AMBRA1: variants seen among roughly 807,000 people sequenced by gnomAD.
AMBRA1 encodes autophagy and beclin 1 regulator 1.
In AMBRA1, 47 loss-of-function variants were observed where a neutral mutation model predicts 125.4. The observed-to-expected ratio is 0.37, with a 90% CI of 0.30 to 0.48. The LOEUF (loss-of-function observed/expected upper bound fraction) is 0.48, where lower values mean the gene tolerates loss of function less well. Among genes scored for constraint, AMBRA1 ranks in the 20% least tolerant of loss-of-function variants. AMBRA1 has a pLI of 0.99. For synonymous variants in AMBRA1, 626 were observed against 655.5 expected (o/e 0.95, Z 0.69); for missense variants, 1,331 against 1,693.4 (o/e 0.79, Z 3.76).
chr11:46,558,904 G>A (rs945419401), intron 1 of AMBRA1, among the ~76,000 whole-genome samples: 20 of 152,112 alleles, frequency 1.3e-4, no homozygotes, highest in African/African-American at 4.8e-4. Context: ...GATCCCAAAT[G>A]AACCCAAAAC....
At chr11:46,566,324 A>T (rs893049350) in intron 1 of AMBRA1, among the ~76,000 whole-genome samples, 2 of 152,052 alleles carry the variant, frequency 1.3e-5, no homozygotes, top group Non-Finnish European at 2.9e-5. Context: ...CGGCTGAGGC[A>T]GGAGAATCGC....
At position 46,433,584 on chromosome 11, in the gene AMBRA1, C is replaced by T. The variant is rs1947555726; in HGVS notation, c.2866G>A (p.Val956Ile). ...SVSLSPMGRY[V>I]MVGLASRRIL... ...CTTCGTGAGGCCAAGCCCACCATTACATATCTGCCCATTGGGGACAGGCTC... is the reference window on the plus strand; with the variant it reads ...CTTCGTGAGGCCAAGCCCACCATTATATATCTGCCCATTGGGGACAGGCTC... Residue 956 changes from valine (V) to isoleucine (I), a missense_variant, in exon 14 of 18, where the codon GTA becomes ATA. Physicochemically the swap from Val to Ile is conservative, Grantham distance 29 (BLOSUM62 3). This residue lies in a region of AMBRA1 where 354 missense variants were observed against 532.7 expected (regional missense o/e 0.66). Coordinates refer to ENST00000683756, the MANE Select transcript of AMBRA1 (RefSeq NM_001387011.1). 1 of 1,614,074 alleles carries T rather than the reference C, an allele frequency of 6.2e-7. No individual in the cohort carries two copies. Among genetic ancestry groups the T allele is most frequent in the Non-Finnish European group, 8.5e-7 (1 of 1,180,020 alleles).
rs144598980 is a variant in AMBRA1 at position 46,480,043 on chromosome 11, C to T, written c.2521+13565G>A. Among the ~76,000 whole-genome samples, 294 of 152,284 alleles carry T rather than the reference C, an allele frequency of 1.9e-3. 1 individual carries two copies. The highest frequency in any genetic ancestry group is 3.4e-3 in the Middle Eastern group (1 of 294). On this transcript the variant is annotated intron_variant, in intron 11 of 17. Transcript: ENST00000683756. The stretch of plus-strand genomic sequence containing the variant: ...CAGATGCAGAACTGAGGTTCCCACT[C>T]GCTGCTAGCTGTTAGCAGAGGCCAT...
At chr11:46,589,267 A>C in intron 1 of AMBRA1, among the ~76,000 whole-genome samples, 1 of 152,210 alleles carries the variant, frequency 6.6e-6, no homozygotes, top group East Asian at 1.9e-4. Flanking sequence ...CTGTGCAAAA[A>C]AAAATTGATC....
At chr11:46,537,572 G>GAAAT (rs1390765738) in intron 7 of AMBRA1, among the ~76,000 whole-genome samples, 1 of 152,158 alleles carries the variant, frequency 6.6e-6, no homozygotes, top group African/African-American at 2.4e-5. Context: ...CCCACACAGA[G>GAAAT]AAATCATTTC....
At chr11:46,423,147 C>T (rs1414604103) in intron 14 of AMBRA1, among the ~76,000 whole-genome samples, 1 of 152,182 alleles carries the variant, frequency 6.6e-6, no homozygotes, top group Non-Finnish European at 1.5e-5. Context: ...GGCTACATAT[C>T]TTGTCACAGG....
intron 11 of AMBRA1, among the ~76,000 whole-genome samples, chr11:46,462,101 A>G (rs1949115858): frequency 6.6e-6 from 1 of 152,166 alleles, no homozygotes; most frequent in African/African-American, 2.4e-5. Context: ...TTTACAAGAG[A>G]TATCTGACGA....
intron 7 of AMBRA1, among the ~76,000 whole-genome samples, chr11:46,515,380 C>T (rs890685567): frequency 5.9e-5 from 9 of 151,932 alleles, no homozygotes; most frequent in African/African-American, 1.9e-4. Context: ...GGCTGAGGCA[C>T]GAGAATCACT....
rs61733783 is a variant in AMBRA1 at position 46,397,576 on chromosome 11, A to T, written c.3771T>A (p.Pro1257=). The T allele has an allele frequency of 1.3e-6, 2 of 1,584,166 alleles. No individual in the cohort carries two copies. The highest frequency in any genetic ancestry group is 2.7e-5 in the African/African-American group (2 of 74,238). Residue 1257 remains proline (P), a synonymous_variant, in exon 18 of 18, where the codon CCT becomes CCA. Coordinates refer to ENST00000683756, the MANE Select transcript of AMBRA1 (RefSeq NM_001387011.1). ...GTCCCTCAGCGCTGGGAAGGGAAACAGGAATGGGGACAGGGGAGGAAGAGG... is the reference window on the plus strand; with the variant it reads ...GTCCCTCAGCGCTGGGAAGGGAAACTGGAATGGGGACAGGGGAGGAAGAGG... ...TLPSSSPVPI[P]VSLPSAEGPT... is the part of the protein sequence containing the mutation.
At chr11:46,523,444 C>A (rs568793125) in intron 7 of AMBRA1, among the ~76,000 whole-genome samples, 1 of 152,240 alleles carries the variant, frequency 6.6e-6, no homozygotes, top group East Asian at 1.9e-4. Context: ...CCCCCGTTCC[C>A]AAAAAGATTC....
chr11:46,428,747 C>A, intron 14 of AMBRA1: 2 of 1,610,262 alleles, frequency 1.2e-6, no homozygotes, highest in South Asian at 2.2e-5. Context: ...CTTGTCGGCA[C>A]CAGGTGGCAC....
At chr11:46,464,757 C>G (rs1320048662) in intron 11 of AMBRA1, among the ~76,000 whole-genome samples, 1 of 151,790 alleles carries the variant, frequency 6.6e-6, no homozygotes, top group African/African-American at 2.4e-5. Flanking sequence ...TATTAAACAC[C>G]GAGACAAGGC....
chr11:46,498,953 A>AAC (rs1351211662), intron 9 of AMBRA1, among the ~76,000 whole-genome samples: 1 of 152,124 alleles, frequency 6.6e-6, no homozygotes, highest in African/African-American at 2.4e-5. Flanking sequence ...TCATTTCCTT[A>AAC]CTGGAGTGCT....
At chr11:46,521,137 G>A (rs542772075) in intron 7 of AMBRA1, among the ~76,000 whole-genome samples, 2 of 152,286 alleles carry the variant, frequency 1.3e-5, no homozygotes, top group South Asian at 2.1e-4. Flanking sequence ...GCCCCTCACT[G>A]GCGACAAGAC....
At chr11:46,547,430 G>T in intron 3 of AMBRA1, 134 bp from the exon 4 acceptor site, 1 of 759,628 alleles carries the variant, frequency 1.3e-6, no homozygotes, top group Non-Finnish European at 2.1e-6. Flanking sequence ...TGTATGTTAG[G>T]CAGTATATCT....
chr11:46,504,856 G>C (rs1950974078), intron 9 of AMBRA1, among the ~76,000 whole-genome samples: 1 of 152,204 alleles, frequency 6.6e-6, no homozygotes, highest in Non-Finnish European at 1.5e-5. Context: ...AAATATGCTT[G>C]CTCCTGTCCT....
At chr11:46,426,479 A>C (rs1191660316) in intron 14 of AMBRA1, among the ~76,000 whole-genome samples, 2 of 152,248 alleles carry the variant, frequency 1.3e-5, no homozygotes, top group African/African-American at 4.8e-5. Context: ...AAAATGCAGC[A>C]TAGACTGCAC....
chr11:46,557,067 TG>T (rs2043177048), intron 1 of AMBRA1, among the ~76,000 whole-genome samples: 1 of 131,010 alleles, frequency 7.6e-6, no homozygotes, highest in Non-Finnish European at 1.6e-5. Flanking sequence ...ACCCGGGAGG[TG>T]GAAGTTGTGG....
In AMBRA1 at chr11:46,434,973, T is replaced by C; in HGVS notation, c.2697A>G (p.Ala899=). Reference sequence around the variant, plus strand: ...TGAAAGCTGCCAGGAGCTGGCCATCTGCAGAAATGTCACAGCTGGCATCAT... The same window carrying C: ...TGAAAGCTGCCAGGAGCTGGCCATCCGCAGAAATGTCACAGCTGGCATCAT... The part of the protein sequence containing the change: ...IYNDASCDIS[A]DGQLLAAFIP... Residue 899 remains alanine, a synonymous_variant, in exon 13 of 18, where the codon GCA becomes GCG. Coordinates refer to ENST00000683756, the MANE Select transcript of AMBRA1 (RefSeq NM_001387011.1). The C allele has an allele frequency of 6.2e-7, 1 of 1,613,858 alleles. No individual in the cohort carries two copies. Among genetic ancestry groups the C allele is most frequent in the African/African-American group, 1.3e-5 (1 of 75,058 alleles).
Sources: gnomAD v4.1 joint callset for allele counts (sites outside exome capture counted in the v4.1 genomes callset) on GRCh38, gnomAD v4.1.1 for gene constraint, gnomAD v4.1.1 regional missense constraint, MANE v1.5 for transcripts, NCBI Gene and HGNC (gene_info 2026-07-23, HGNC 2026-07-21) for gene names.